The following CENPM variants were observed in gnomAD, a reference collection of about 807,000 sequenced individuals.
The protein encoded by CENPM is interphase centromere complex protein 39.
Under a neutral mutation model 19.6 loss-of-function variants are expected in CENPM, and 14 were observed. The observed-to-expected ratio is 0.71, with a 90% confidence interval of 0.47 to 1.11. The LOEUF (loss-of-function observed/expected upper bound fraction) is 1.11. Among genes scored for constraint, CENPM ranks in the 50% most tolerant of loss-of-function variants. The pLI is 0.00. For missense variants in CENPM, 239 were observed against 228.4 expected, an observed-to-expected ratio of 1.05 and a Z score of -0.30; for synonymous variants, 114 against 101.5, an observed-to-expected ratio of 1.12 and a Z score of -0.74.
chr22:41,946,932 G>A (rs1036460618), intron 1 of CENPM, 88 bp downstream of exon 1: 13 of 1,373,428 alleles, frequency 9.5e-6, no homozygotes, highest in African/African-American at 1.4e-5. Context: ...GCGCTGGCTT[G>A]GCGCCTCAGA....
chr22:41,946,413 T>G lies in CENPM; in HGVS notation c.137+4A>C. On this transcript the variant is annotated splice_donor_region_variant and intron_variant, in intron 2 of 5. Transcript: ENST00000215980. The stretch of plus-strand genomic sequence containing the variant: ...GGGCCCAGGCCACAGCCGCGGCTAC[T>G]TACACCTTCAGCTCGGAGGCGCAGT... The G allele has an allele frequency of 6.2e-7, 1 of 1,612,680 alleles. No homozygotes were observed. Among genetic ancestry groups the G allele is most frequent in the Non-Finnish European group, 8.5e-7 (1 of 1,179,662 alleles).
chr22:41,942,686 G>A (rs1285328932), intron 5 of CENPM, among the ~76,000 whole-genome samples: 1 of 151,344 alleles, frequency 6.6e-6, no homozygotes, highest in Admixed American at 6.6e-5. Context: ...GGGAGGCAGA[G>A]CTTGCAGTGA....
downstream of CENPM, among the ~76,000 whole-genome samples, chr22:41,936,124 C>T (rs572064434): frequency 2.0e-5 from 3 of 152,336 alleles, no homozygotes; most frequent in Admixed American, 6.5e-5. Flanking sequence ...CCCACCGTGG[C>T]CTCCCAAAGT....
rs1452605941 is a variant in CENPM at position 41,939,190 on chromosome 22, C to T, written c.409G>A (p.Gly137Ser). ...CGCTGCGCCATGGTGGCCCTAAAGC[C>T]TTCCACCTGCGGGGAGAGCAGAGAA... Reference protein sequence around the residue: ...PLLYCDLEVEGFRATMAQRLV... With the variant: ...PLLYCDLEVESFRATMAQRLV... Residue 137 changes from glycine to serine, a missense_variant, in exon 6 of 6, where the codon GGC becomes AGC. Physicochemically the swap from Gly to Ser is moderately conservative, Grantham distance 56. Coordinates refer to ENST00000215980, the MANE Select transcript of CENPM (RefSeq NM_024053.5). 1 of 1,610,568 alleles carries T rather than the reference C, an allele frequency of 6.2e-7. No individual in the cohort carries two copies. Among genetic ancestry groups the T allele is most frequent in the Non-Finnish European group, 8.5e-7 (1 of 1,178,982 alleles).
downstream of CENPM, among the ~76,000 whole-genome samples, chr22:41,938,451 C>T (rs983052489): frequency 2.9e-4 from 44 of 150,982 alleles, no homozygotes; most frequent in African/African-American, 7.1e-4. Flanking sequence ...CTGCAACCTC[C>T]GCCTCCCGGG....
Position 41,946,434 on chromosome 22 carries a change from G to A in CENPM, c.120C>T (p.Cys40=), listed in dbSNP as rs1315571599. 6.2e-7 allele frequency: 1 copy of A among 1,612,864 alleles called. No individual in the cohort carries two copies. The highest frequency in any genetic ancestry group is 1.1e-5 in the South Asian group (1 of 91,024). ...CTACTTACACCTTCAGCTCGGAGGCGCAGTCCTCTTTGAGCATCGAGTCCG... is the reference window on the plus strand; with the variant it reads ...CTACTTACACCTTCAGCTCGGAGGCACAGTCCTCTTTGAGCATCGAGTCCG... ...QLADSMLKED[C]ASELKVHLAK... is the part of the protein sequence containing the mutation. Residue 40 remains cysteine, a synonymous_variant, in exon 2 of 6, where the codon TGC becomes TGT. Coordinates refer to ENST00000215980, the MANE Select transcript of CENPM (RefSeq NM_024053.5).
chr22:41,936,773 C>T (rs1200331708), downstream of CENPM, among the ~76,000 whole-genome samples: 2 of 152,118 alleles, frequency 1.3e-5, no homozygotes, highest in African/African-American at 4.8e-5. Flanking sequence ...ACTAAAAATA[C>T]AAAAATTAGC....
intron 5 of CENPM, chr22:41,940,072 C>T (rs2077725106): frequency 1.4e-6 from 1 of 716,548 alleles, no homozygotes; most frequent in African/African-American, 1.7e-5. Context: ...CCCCACCATT[C>T]CTGATTTCTC....
chr22:41,933,346 C>T, the CENPM span, among the ~76,000 whole-genome samples: 3 of 126,172 alleles, frequency 2.4e-5, no homozygotes, highest in Admixed American at 8.3e-5. Flanking sequence ...GTGCGGACAG[C>T]GGCAGGGAGA....
chr22:41,938,131 C>T (rs1006536436), downstream of CENPM, among the ~76,000 whole-genome samples: 48 of 142,610 alleles, frequency 3.4e-4, no homozygotes, highest in African/African-American at 9.2e-4. Flanking sequence ...TGGGAACCAC[C>T]GCGCCCAGCA....
intron 4 of CENPM, 135 bp downstream of exon 4, chr22:41,945,090 C>A: frequency 6.5e-7 from 1 of 1,537,242 alleles, no homozygotes; most frequent in Non-Finnish European, 8.8e-7. Context: ...TCCTGCCCTC[C>A]ACCCTCCGAT....
chr22:41,939,782 G>A (rs1328658772), intron 5 of CENPM, among the ~76,000 whole-genome samples: 8 of 86,124 alleles, frequency 9.3e-5, no homozygotes, highest in African/African-American at 3.4e-4. Flanking sequence ...TCTCAAAAAA[G>A]AAAGAAAAAG....
chr22:41,936,689 G>A (rs1412265992), downstream of CENPM, among the ~76,000 whole-genome samples: 2 of 152,210 alleles, frequency 1.3e-5, no homozygotes, highest in Non-Finnish European at 2.9e-5. Flanking sequence ...AGCACTTTGG[G>A]AGGCCAAGGG....
At chr22:41,929,092 A>AGCGTGGGTGT in the CENPM span, among the ~76,000 whole-genome samples, 1 of 93,226 alleles carries the variant, frequency 1.1e-5, no homozygotes, top group Non-Finnish European at 2.2e-5. Flanking sequence ...GGTGTGGGTG[A>AGCGTGGGTGT]GCGTGGGTGT....
Position 41,939,866 on chromosome 22 carries a change from A to AAG in CENPM, c.403-672_403-671dup, listed in dbSNP as rs367629671. On this transcript the variant is annotated intron_variant, in intron 5 of 5. Coordinates refer to ENST00000215980, the MANE Select transcript of CENPM (RefSeq NM_024053.5). The stretch of plus-strand genomic sequence containing the variant: ...AAAGAAAGAAAGAAAGAAAGAAAGA[A>AAG]AGAAAGAAAGAAAAAGAAAGAAAGA... 4.2e-4 allele frequency among the ~76,000 whole-genome samples: 8 copies of AAG among 18,946 alleles called. 1 individual carries two copies. Among genetic ancestry groups the AAG allele is most frequent in the Admixed American group, 2.6e-3 (7 of 2,660 alleles). The allele number at this position is 18,946 out of a possible 152,430, so 12.4% of individuals were successfully genotyped here.
At chr22:41,938,164 C>T (rs190884513), downstream of CENPM, among the ~76,000 whole-genome samples, 400 of 121,440 alleles carry the variant, frequency 3.3e-3, 1 homozygote, top group African/African-American at 0.012. Context: ...TTTTTTGAGA[C>T]GGAGTCTCGC....
intron 1 of CENPM, 70 bp from the exon 2 acceptor site, chr22:41,946,566 G>A: frequency 7.6e-7 from 1 of 1,323,416 alleles, no homozygotes; most frequent in Non-Finnish European, 1.1e-6. Flanking sequence ...CTGGCCCTTC[G>A]ACCCACTCCC....
At chr22:41,935,712 C>T (rs1270401564), downstream of CENPM, among the ~76,000 whole-genome samples, 2 of 152,200 alleles carry the variant, frequency 1.3e-5, no homozygotes, top group Non-Finnish European at 2.9e-5. Context: ...CCTCTGCCCT[C>T]GGGCCTATCC....
At chr22:41,945,662 C>A (rs1457476020) in intron 3 of CENPM, among the ~76,000 whole-genome samples, 1 of 152,108 alleles carries the variant, frequency 6.6e-6, no homozygotes. Context: ...GTTGCCCAGG[C>A]TGGTCTCGGG....
Sources: allele counts gnomAD v4.1 joint callset (sites outside exome capture counted in the v4.1 genomes callset), GRCh38; gene constraint gnomAD v4.1.1; transcripts MANE v1.5; gene names NCBI Gene and HGNC (gene_info 2026-07-23, HGNC 2026-07-21).